PHF14: variants seen among roughly 807,000 people sequenced by gnomAD.
The protein encoded by PHF14 is PHD finger protein 14.
A neutral mutation model predicts 117.9 loss-of-function variants in PHF14; 55 were observed. That is an observed-to-expected ratio of 0.47 (90% CI 0.38 to 0.58). The LOEUF is 0.58. PHF14 is among the 20% of genes least tolerant of loss of function. The probability of loss-of-function intolerance (pLI) is 0.00; values close to 1 mark genes in which losing one functional copy is unlikely to be tolerated. For synonymous variants in PHF14, 409 were observed against 368.6 expected (o/e 1.11, Z -1.26); for missense variants, 978 against 1,122.2 (o/e 0.87, Z 1.84).
chr7:11,118,382 C>T (rs910675493), intron 17 of PHF14, among the ~76,000 whole-genome samples: 1 of 151,826 alleles, frequency 6.6e-6, no homozygotes, highest in Non-Finnish European at 1.5e-5. Context: ...TTGCTAATTG[C>T]TTCTAGCATG....
chr7:11,150,552 CT>C, intron 17 of PHF14, among the ~76,000 whole-genome samples: 1 of 151,838 alleles, frequency 6.6e-6, no homozygotes, highest in East Asian at 1.9e-4. Context: ...ATTTTTATTT[CT>C]TTCTTCTCAT....
At chr7:11,121,344 C>T (rs902107493) in intron 17 of PHF14, among the ~76,000 whole-genome samples, 3 of 152,144 alleles carry the variant, frequency 2.0e-5, no homozygotes, top group African/African-American at 7.2e-5. Flanking sequence ...ATATGCCTTA[C>T]AGCATTTATG....
chr7:10,977,528 C>T (rs1415918961), intron 2 of PHF14, among the ~76,000 whole-genome samples: 2 of 152,012 alleles, frequency 1.3e-5, no homozygotes, highest in African/African-American at 2.4e-5. Flanking sequence ...AGAAACAAAT[C>T]AACATTGGTA....
intron 14 of PHF14, among the ~76,000 whole-genome samples, chr7:11,053,855 A>G (rs1784927619): frequency 6.6e-6 from 1 of 151,976 alleles, no homozygotes; most frequent in Admixed American, 6.6e-5. Context: ...ATATAATCCC[A>G]TTCCTTTCAT....
chr7:11,120,637 A>G (rs900082066), intron 17 of PHF14, among the ~76,000 whole-genome samples: 7 of 152,056 alleles, frequency 4.6e-5, no homozygotes, highest in Non-Finnish European at 7.4e-5. Flanking sequence ...ATTTTTTTAA[A>G]GTATATGCTA....
intron 16 of PHF14, among the ~76,000 whole-genome samples, chr7:11,093,424 A>G (rs972871753): frequency 6.6e-6 from 1 of 152,112 alleles, no homozygotes; most frequent in Non-Finnish European, 1.5e-5. Context: ...AGCTGGGCTT[A>G]TATTTTCTTG....
Position 10,982,828 on chromosome 7 carries a change from C to G in PHF14, c.569C>G (p.Pro190Arg), listed in dbSNP as rs201923929. The G allele has an allele frequency of 1.5e-4, 238 of 1,613,876 alleles. No individual in the cohort carries two copies. Among genetic ancestry groups the G allele is most frequent in the Middle Eastern group, 8.2e-4 (5 of 6,062 alleles). Residue 190 changes from proline (P) to arginine (R), a missense_variant, in exon 3 of 18, where the codon CCA (proline) becomes CGA (arginine). Coordinates refer to ENST00000634607, the MANE Select transcript of PHF14 (RefSeq NM_001007157.2). ...PKKWNLRRNRPLLDFVSMEEL... is the reference protein window; with the variant it reads ...PKKWNLRRNRRLLDFVSMEEL... Reference sequence around the variant, plus strand: ...AAATGGAACCTTCGACGAAACCGACCACTTCTGGATTTTGTGTCCATGGAA... The same window carrying G: ...AAATGGAACCTTCGACGAAACCGACGACTTCTGGATTTTGTGTCCATGGAA...
chr7:11,074,836 C>G (rs1426668163), intron 16 of PHF14, among the ~76,000 whole-genome samples: 1 of 152,060 alleles, frequency 6.6e-6, no homozygotes, highest in Non-Finnish European at 1.5e-5. Flanking sequence ...CTAAGAAGTT[C>G]CAAATTGTCC....
rs375464888 is a variant in PHF14, at chr7:10,983,283, G to T, written c.900+124G>T. 1.4e-5 allele frequency: 14 copies of T among 1,009,068 alleles called. No homozygotes were observed. The African/African-American group carries it at 1.6e-4, about 12-fold the overall frequency. The allele number at this position is 1,009,068 out of a possible 1,614,324, so 62.5% of individuals were successfully genotyped here. ...ATTTATAGACGGCTGTGGGATGAAT[G>T]AGCACCCTAACTGTAACATTTTTTC... On this transcript the variant is annotated intron_variant, in intron 3 of 17. Transcript: ENST00000634607.
intron 7 of PHF14, among the ~76,000 whole-genome samples, chr7:11,030,808 G>C (rs532581004): frequency 4.3e-4 from 66 of 152,130 alleles, no homozygotes; most frequent in African/African-American, 1.6e-3. Flanking sequence ...TGTTGTTTTG[G>C]GGGGAAATGA....
intron 16 of PHF14, among the ~76,000 whole-genome samples, chr7:11,089,948 T>A (rs757677339): frequency 3.9e-5 from 6 of 152,174 alleles, no homozygotes; most frequent in Non-Finnish European, 7.3e-5. Flanking sequence ...ATTTTGTATT[T>A]TTAGTAAAGA....
chr7:11,149,628 G>A (rs1181857556), intron 17 of PHF14, among the ~76,000 whole-genome samples: 1 of 152,094 alleles, frequency 6.6e-6, no homozygotes, highest in Admixed American at 6.6e-5. Flanking sequence ...TACACTTGGT[G>A]GGCAATATTC....
chr7:11,070,623 T>C (rs1052297552), intron 16 of PHF14, among the ~76,000 whole-genome samples: 1 of 152,230 alleles, frequency 6.6e-6, no homozygotes, highest in African/African-American at 2.4e-5. Flanking sequence ...ATATTGATCG[T>C]CTTACATTGA....
chr7:11,097,162 A>G (rs529473392), intron 16 of PHF14, among the ~76,000 whole-genome samples: 1 of 152,028 alleles, frequency 6.6e-6, no homozygotes, highest in African/African-American at 2.4e-5. Flanking sequence ...TATTTGTAGT[A>G]GAGATGGGGT....
chr7:11,136,422 A>G (rs1788222437), intron 17 of PHF14, among the ~76,000 whole-genome samples: 1 of 152,208 alleles, frequency 6.6e-6, no homozygotes. Context: ...CACAAATAAT[A>G]TAATTACCAG....
chr7:11,058,854 C>G (rs374786183), intron 14 of PHF14, among the ~76,000 whole-genome samples: 37 of 152,114 alleles, frequency 2.4e-4, no homozygotes, highest in East Asian at 1.7e-3. Flanking sequence ...CAGAAACTTA[C>G]CAGCTGTGTG....
At chr7:11,168,585 A>G (rs1409796203) in intron 17 of PHF14, among the ~76,000 whole-genome samples, 1 of 152,232 alleles carries the variant, frequency 6.6e-6, no homozygotes, top group East Asian at 1.9e-4. Flanking sequence ...ATTGATGTTT[A>G]TGCTTTAATT....
chr7:10,995,590 A>G (rs981477854), intron 4 of PHF14, among the ~76,000 whole-genome samples: 2 of 152,158 alleles, frequency 1.3e-5, no homozygotes, highest in African/African-American at 2.4e-5. Flanking sequence ...GGACCGCGCC[A>G]CAGAGCGGGG....
chr7:11,136,041 A>T (rs1299097152), intron 17 of PHF14, among the ~76,000 whole-genome samples: 1 of 152,186 alleles, frequency 6.6e-6, no homozygotes, highest in Non-Finnish European at 1.5e-5. Context: ...CTTTTGGTAT[A>T]CATAAGTAAC....
Sources: gnomAD v4.1 joint callset for allele counts (sites outside exome capture counted in the v4.1 genomes callset) on GRCh38, gnomAD v4.1.1 for gene constraint, MANE v1.5 for transcripts, NCBI Gene and HGNC (gene_info 2026-07-23, HGNC 2026-07-21) for gene names.